Variants in EEF2K observed in about 807,000 individuals in gnomAD.
The protein encoded by EEF2K is eukaryotic elongation factor 2 kinase, also known as alternative protein EEF2K.
EEF2K carries 70 observed loss-of-function variants against 93.8 expected under a neutral mutation model. That is an observed-to-expected ratio of 0.75 (90% CI 0.62 to 0.91). The LOEUF (loss-of-function observed/expected upper bound fraction) is 0.91, where lower values mean the gene tolerates loss of function less well. EEF2K is among the 40% of genes least tolerant of loss of function. The pLI is 0.00. For missense variants in EEF2K, 935 were observed against 972.9 expected (o/e 0.96, Z 0.52); for synonymous variants, 376 against 380.8 (o/e 0.99, Z 0.15).
intron 1 of EEF2K, among the ~76,000 whole-genome samples, chr16:22,222,918 T>C (rs1567262033): frequency 1.3e-5 from 2 of 151,906 alleles, no homozygotes; most frequent in Non-Finnish European, 2.9e-5. Flanking sequence ...GGTATATTCA[T>C]AGTCATATAG....
intron 2 of EEF2K, among the ~76,000 whole-genome samples, chr16:22,240,133 C>T (rs888775233): frequency 4.0e-5 from 6 of 150,504 alleles, no homozygotes; most frequent in Non-Finnish European, 7.4e-5. Context: ...GTACAGGGAC[C>T]GAAATTCAGA....
chr16:22,260,644 C>T, intron 11 of EEF2K, 115 bp downstream of exon 11: 2 of 1,256,838 alleles, frequency 1.6e-6, no homozygotes, highest in Non-Finnish European at 2.3e-6. Context: ...CAGGCACTGC[C>T]AGGAGGGCAC....
At chr16:22,238,901 A>G (rs571315591) in intron 2 of EEF2K, among the ~76,000 whole-genome samples, 8 of 152,132 alleles carry the variant, frequency 5.3e-5, no homozygotes, top group African/African-American at 1.9e-4. Context: ...CACCCCAGTG[A>G]GCCACTGTTT....
chr16:22,231,153 A>G (rs2047110924), intron 2 of EEF2K, among the ~76,000 whole-genome samples: 1 of 151,678 alleles, frequency 6.6e-6, no homozygotes. Context: ...CAGTGGTGCA[A>G]TCTCGGCTCA....
chr16:22,225,979 A>T lies in EEF2K; in HGVS notation c.246+4A>T. 6.2e-7 allele frequency: 1 copy of T among 1,613,426 alleles called. No individual in the cohort carries two copies. Among genetic ancestry groups the T allele is most frequent in the Non-Finnish European group, 8.5e-7 (1 of 1,179,440 alleles). On this transcript the variant is annotated splice_donor_region_variant and intron_variant, in intron 2 of 17. Transcript: ENST00000263026. ...GGCAAACTCCTTCCACTTCAAGGTG[A>T]GTGAGCCACCTATTCCACCTTCCCC...
intron 7 of EEF2K, 87 bp from the exon 8 acceptor site, chr16:22,257,166 C>T: frequency 6.3e-7 from 1 of 1,577,896 alleles, no homozygotes; most frequent in Non-Finnish European, 8.6e-7. Flanking sequence ...AAGAGAAAGC[C>T]CCTCAGCATG....
Position 22,288,562 on chromosome 16 carries a change from A to G in EEF2K, c.*4566A>G, listed in dbSNP as rs2047771021. 1 of 152,162 alleles carries G rather than the reference A, an allele frequency of 6.6e-6. No individual in the cohort carries two copies. The highest frequency in any genetic ancestry group is 2.4e-5 in the African/African-American group (1 of 41,442). 9.4% of individuals were successfully genotyped at this position (152,162 alleles called of 1,614,324 possible). A position where few individuals can be genotyped will look rare whatever the true frequency, so the allele number is the denominator to read the frequency against. ...CTTGTTTTGGGGGGAAAGGAGACAA[A>G]ATATGCATATTTTCTGTGTGGATTT... is the stretch of plus-strand genomic sequence containing the variant. On this transcript the variant is annotated 3_prime_UTR_variant, in exon 18 of 18. Coordinates refer to ENST00000263026, the MANE Select transcript of EEF2K (RefSeq NM_013302.5).
intron 17 of EEF2K, among the ~76,000 whole-genome samples, chr16:22,282,328 T>C (rs1277321435): frequency 6.6e-6 from 1 of 152,248 alleles, no homozygotes; most frequent in East Asian, 1.9e-4. Context: ...ACCTTTCTCC[T>C]GGATGCAAGT....
chr16:22,268,341 G>A (rs1209832984), intron 15 of EEF2K, among the ~76,000 whole-genome samples: 1 of 151,806 alleles, frequency 6.6e-6, no homozygotes, highest in Non-Finnish European at 1.5e-5. Context: ...ACCGCACCCA[G>A]CTAATTTTTA....
At chr16:22,244,523 T>C (rs1032166028) in intron 2 of EEF2K, 107 bp from the exon 3 acceptor site, 31 of 1,048,476 alleles carry the variant, frequency 3.0e-5, no homozygotes, top group Middle Eastern at 2.1e-4. Context: ...TCTGTCCTGA[T>C]ACTGTCTGCC....
At chr16:22,240,101 C>CAAA (rs765234012) in intron 2 of EEF2K, among the ~76,000 whole-genome samples, 2 of 58,264 alleles carry the variant, frequency 3.4e-5, no homozygotes, top group Non-Finnish European at 7.0e-5. Flanking sequence ...GACTCCATCT[C>CAAA]AAAAAAAAAA....
chr16:22,284,606 ATTTC>A lies in EEF2K; in HGVS notation c.*614_*617del, dbSNP rs921874678. 6.9e-6 allele frequency: 1 copy of A among 144,628 alleles called. No homozygotes were observed. Among genetic ancestry groups the A allele is most frequent in the Non-Finnish European group, 1.5e-5 (1 of 65,766 alleles). The allele number at this position is 144,628 out of a possible 1,614,324, so 9.0% of individuals were successfully genotyped here. On this transcript the variant is annotated 3_prime_UTR_variant, in exon 18 of 18. Transcript: ENST00000263026. ...ATTTTGTGGTTCTATTTTCATTTTTATTTCTTTTTTTTTTTTTGTCACGAGATAT... is the reference window on the plus strand; with the variant it reads ...ATTTTGTGGTTCTATTTTCATTTTTATTTTTTTTTTTTTGTCACGAGATAT...
In EEF2K at chr16:22,247,444, T is replaced by TC. The variant is rs1221452631; in HGVS notation, c.348-1310dup. On this transcript the variant is annotated intron_variant, in intron 3 of 17. Transcript: ENST00000263026. Reference sequence around the variant, plus strand: ...GCCTGGGTGATGGGGAGATTCTGTGTCAAAAAAAAAAAAAAATTCTCTAAC... The same window carrying TC: ...GCCTGGGTGATGGGGAGATTCTGTGTCCAAAAAAAAAAAAAAATTCTCTAAC... Among the ~76,000 whole-genome samples the TC allele has an allele frequency of 1.6e-4, 18 of 113,712 alleles. No homozygotes were observed. In the East Asian group the frequency reaches 0.014, roughly 88 times the overall value. 74.6% of individuals were successfully genotyped at this position (113,712 alleles called of 152,430 possible).
chr16:22,244,544 A>C, intron 2 of EEF2K, 86 bp from the exon 3 acceptor site: 4 of 1,290,462 alleles, frequency 3.1e-6, no homozygotes, highest in Non-Finnish European at 4.5e-6. Context: ...TCTCCAGAGG[A>C]AATAACAGGG....
chr16:22,220,886 C>T (rs561730684), intron 1 of EEF2K, among the ~76,000 whole-genome samples: 24 of 152,316 alleles, frequency 1.6e-4, no homozygotes, highest in African/African-American at 5.8e-4. Flanking sequence ...CCTGGCACCA[C>T]GCCGTGTTGG....
intron 1 of EEF2K, among the ~76,000 whole-genome samples, chr16:22,207,140 G>A (rs2046871211): frequency 6.6e-6 from 1 of 152,218 alleles, no homozygotes; most frequent in African/African-American, 2.4e-5. Flanking sequence ...TGCATTGTTG[G>A]CTGCGGGAGT....
chr16:22,220,237 G>A (rs117394222), intron 1 of EEF2K, among the ~76,000 whole-genome samples: 3,003 of 152,324 alleles, frequency 0.02, 48 homozygotes, highest in Non-Finnish European at 0.032. Context: ...CATATCAAGT[G>A]CCTGCTGTGT....
At chr16:22,214,466 C>A (rs2046941388) in intron 1 of EEF2K, among the ~76,000 whole-genome samples, 2 of 151,496 alleles carry the variant, frequency 1.3e-5, no homozygotes, top group South Asian at 4.2e-4. Context: ...AGAGACCAGC[C>A]TGGGCAATGT....
chr16:22,258,883 C>T (rs968298338), intron 10 of EEF2K, 188 bp downstream of exon 10: 1 of 665,738 alleles, frequency 1.5e-6, no homozygotes, highest in South Asian at 2.2e-5. Flanking sequence ...ATAAAAACAA[C>T]CCCTATTGTA....
Sources: allele counts gnomAD v4.1 joint callset (sites outside exome capture counted in the v4.1 genomes callset), GRCh38; gene constraint gnomAD v4.1.1; transcripts MANE v1.5; gene names NCBI Gene and HGNC (gene_info 2026-07-23, HGNC 2026-07-21).